The following RGS3 variants were observed in gnomAD, a reference collection of about 807,000 sequenced individuals.
RGS3 encodes regulator of G protein signaling 3.
RGS3 carries 80 observed loss-of-function variants against 132.6 expected under a neutral mutation model. That is an observed-to-expected ratio of 0.60 (90% CI 0.50 to 0.73). RGS3 has a LOEUF of 0.73. Among genes scored for constraint, RGS3 ranks in the 30% least tolerant of loss-of-function variants. The probability of loss-of-function intolerance (pLI) is 0.00; values close to 1 mark genes in which losing one functional copy is unlikely to be tolerated. For missense variants in RGS3, 1,382 were observed against 1,530.8 expected (o/e 0.90, Z 1.62); for synonymous variants, 598 against 620.6 (o/e 0.96, Z 0.54).
At chr9:113,502,950 A>T (rs1301567465) in intron 10 of RGS3, among the ~76,000 whole-genome samples, 2 of 152,304 alleles carry the variant, frequency 1.3e-5, no homozygotes, top group Non-Finnish European at 2.9e-5. Flanking sequence ...AGTGAATAGG[A>T]TGATGTGTGT....
chr9:113,469,827 CAG>C (rs1829772985), intron 3 of RGS3, among the ~76,000 whole-genome samples: 2 of 151,162 alleles, frequency 1.3e-5, no homozygotes, highest in Non-Finnish European at 2.9e-5. Flanking sequence ...GCATTTTAGT[CAG>C]AGAATATACT....
chr9:113,530,268 C>T (rs929445720), intron 18 of RGS3, among the ~76,000 whole-genome samples: 11 of 152,198 alleles, frequency 7.2e-5, no homozygotes, highest in African/African-American at 2.7e-4. Flanking sequence ...TTTTGAACAG[C>T]CCCCTGGAGG....
At chr9:113,590,256 C>A (rs2119022984) in intron 20 of RGS3, among the ~76,000 whole-genome samples, 1 of 152,260 alleles carries the variant, frequency 6.6e-6, no homozygotes, top group South Asian at 2.1e-4. Flanking sequence ...GAGATAGTAT[C>A]TGAATTATGC....
At chr9:113,538,560 C>G (rs1462862945) in intron 19 of RGS3, among the ~76,000 whole-genome samples, 1 of 152,156 alleles carries the variant, frequency 6.6e-6, no homozygotes, top group African/African-American at 2.4e-5. Flanking sequence ...TCTCCATCTT[C>G]AGGTTTGGGA....
chr9:113,592,980 G>T (rs1564622898), intron 21 of RGS3: 5 of 151,894 alleles, frequency 3.3e-5, no homozygotes, highest in Admixed American at 3.3e-4. Context: ...TATTTTACAC[G>T]TGAATAAACT....
Position 113,508,526 on chromosome 9 carries a change from G to A in RGS3, c.1438-15G>A. On this transcript the variant is annotated splice_polypyrimidine_tract_variant and intron_variant, in intron 13 of 24. Transcript: ENST00000350696. ...TTCCTGGGGCTGAGGTGGTTTTCCT[G>A]TCTTTCCCTTGCAGCTGCTCCGGCC... The A allele has an allele frequency of 6.2e-7, 1 of 1,612,576 alleles. No individual in the cohort carries two copies. Among genetic ancestry groups the A allele is most frequent in the South Asian group, 1.1e-5 (1 of 91,076 alleles).
chr9:113,563,492 T>C (rs530216890), intron 19 of RGS3, among the ~76,000 whole-genome samples: 1 of 152,262 alleles, frequency 6.6e-6, no homozygotes, highest in Admixed American at 6.5e-5. Flanking sequence ...AGAAATTCCA[T>C]CCTAGAAACC....
intron 1 of RGS3, among the ~76,000 whole-genome samples, chr9:113,453,742 G>T (rs1328391475): frequency 3.8e-5 from 5 of 131,414 alleles, no homozygotes; most frequent in East Asian, 2.2e-4. Flanking sequence ...CTCATTATAT[G>T]ATTATATAAT....
intron 1 of RGS3, among the ~76,000 whole-genome samples, chr9:113,448,543 C>A (rs531953772): frequency 1.1e-4 from 17 of 152,044 alleles, no homozygotes; most frequent in Non-Finnish European, 2.4e-4. Context: ...TTTTTCTGAC[C>A]ACTGTCAAGA....
exon 22 of RGS3, chr9:113,594,470 C>T (rs758237986): frequency 3.7e-5 from 59 of 1,613,576 alleles, no homozygotes; most frequent in East Asian, 1.3e-4. Context: ...CTTCAGACGG[C>T]GGAATGAGTC....
intron 3 of RGS3, among the ~76,000 whole-genome samples, chr9:113,466,767 A>G (rs1829658259): frequency 6.6e-6 from 1 of 152,214 alleles, no homozygotes; most frequent in Non-Finnish European, 1.5e-5. Context: ...ACTCATTTAA[A>G]CCATACAATT....
Position 113,565,158 on chromosome 9 carries a change from C to T in RGS3, c.2038-18292C>T. ...GGATGAGCCACAGGGGACCCACAGC[C>T]TATGCGTGTGAGCATGTAACCCGGG... On this transcript the variant is annotated intron_variant, in intron 19 of 24. Coordinates refer to ENST00000350696, the Ensembl canonical transcript of RGS3. The surrounding 1 kb of genome is among the most constrained non-coding windows in gnomAD (Gnocchi z 5.7). 1 of 1,218,020 alleles carries T rather than the reference C, an allele frequency of 8.2e-7. No individual in the cohort carries two copies. The highest frequency in any genetic ancestry group is 1.0e-6 in the Non-Finnish European group (1 of 955,058). 75.5% of individuals were successfully genotyped at this position (1,218,020 alleles called of 1,614,324 possible).
rs541594640 is a variant in RGS3 at position 113,560,328 on chromosome 9, A to G, written c.2038-23122A>G. On this transcript the variant is annotated intron_variant, in intron 19 of 24. Transcript: ENST00000350696. Reference sequence around the variant, plus strand: ...GCTCCCTGTGAACTTGAACCTGAGGATACCTGCTCTGTCTTACCCCACCCC... The same window carrying G: ...GCTCCCTGTGAACTTGAACCTGAGGGTACCTGCTCTGTCTTACCCCACCCC... Among the ~76,000 whole-genome samples the G allele has an allele frequency of 3.0e-4, 46 of 152,306 alleles. 1 individual carries two copies. In the South Asian group the frequency reaches 9.5e-3, roughly 32 times the overall value.
chr9:113,555,016 T>A (rs1419312128), intron 19 of RGS3, among the ~76,000 whole-genome samples: 2 of 152,190 alleles, frequency 1.3e-5, no homozygotes, highest in African/African-American at 4.8e-5. Flanking sequence ...CTTATTAATT[T>A]TTTCCCCCAA....
intron 20 of RGS3, chr9:113,589,937 C>T (rs929089589): frequency 1.3e-5 from 2 of 152,208 alleles, no homozygotes; most frequent in African/African-American, 2.4e-5. Context: ...GGTCTGGTTC[C>T]AAACACTTGC....
chr9:113,466,486 A>G (rs1478645690), intron 3 of RGS3, among the ~76,000 whole-genome samples: 3 of 152,216 alleles, frequency 2.0e-5, no homozygotes, highest in African/African-American at 7.2e-5. Context: ...TTGTCCCCCA[A>G]AAGGAGTATG....
chr9:113,452,947 T>A (rs1216115902), intron 1 of RGS3, among the ~76,000 whole-genome samples: 1 of 136,280 alleles, frequency 7.3e-6, no homozygotes, highest in Non-Finnish European at 1.5e-5. Flanking sequence ...AAAATATATT[T>A]ATATATGATA....
chr9:113,566,123 G>A (rs911467199), intron 19 of RGS3, among the ~76,000 whole-genome samples: 1 of 152,134 alleles, frequency 6.6e-6, no homozygotes, highest in African/African-American at 2.4e-5. Flanking sequence ...GGTGCTGGCC[G>A]CACACCAGGC....
At position 113,581,697 on chromosome 9, in the gene RGS3, T is replaced by C. The variant is rs1462688737; in HGVS notation, c.2038-1753T>C. 2.6e-5 allele frequency: 4 copies of C among 152,436 alleles called. No individual in the cohort carries two copies. The East Asian group carries it at 7.7e-4, about 29-fold the overall frequency. The allele number at this position is 152,436 out of a possible 1,614,324, so 9.4% of individuals were successfully genotyped here. A position where few individuals can be genotyped will look rare whatever the true frequency, so the allele number is the denominator to read the frequency against. On this transcript the variant is annotated intron_variant, in intron 19 of 24. Coordinates refer to ENST00000350696, the Ensembl canonical transcript of RGS3. The stretch of plus-strand genomic sequence containing the variant: ...TCTACCTGACACCTCTGTGTGATTC[T>C]AGGTTGCCCCTTGCTCCTCTCTGGG...
Sources: gnomAD v4.1 joint callset for allele counts (sites outside exome capture counted in the v4.1 genomes callset) on GRCh38, gnomAD v4.1.1 for gene constraint, Gnocchi (gnomAD v3.1) non-coding constraint, MANE v1.5 for transcripts, NCBI Gene and HGNC (gene_info 2026-07-23, HGNC 2026-07-21) for gene names.